SLC24A4: variants seen among roughly 807,000 people sequenced by gnomAD.
The protein encoded by SLC24A4 is sodium/potassium/calcium exchanger 4.
A neutral mutation model predicts 79.0 loss-of-function variants in SLC24A4; 53 were observed. That is an observed-to-expected ratio of 0.67 (90% CI 0.54 to 0.84). The LOEUF (loss-of-function observed/expected upper bound fraction) is 0.84. Ranked by LOEUF, SLC24A4 falls within the 40% of genes least tolerant of loss-of-function variation. The pLI, the probability that SLC24A4 is intolerant of heterozygous loss-of-function variation, is 0.00. For missense variants in SLC24A4, 731 were observed against 822.0 expected (o/e 0.89, Z 1.35); for synonymous variants, 323 against 323.8 (o/e 1.00, Z 0.03).
At chr14:92,416,102 GTGTGTGTATT>G (rs1183529229) in intron 2 of SLC24A4, among the ~76,000 whole-genome samples, 1 of 147,518 alleles carries the variant, frequency 6.8e-6, no homozygotes, top group Non-Finnish European at 1.5e-5. Flanking sequence ...GGAAAGGAAA[GTGTGTGTATT>G]TGTGTGTGTG....
chr14:92,327,362 A>C (rs1885205930), intron 2 of SLC24A4, among the ~76,000 whole-genome samples: 1 of 152,062 alleles, frequency 6.6e-6, no homozygotes, highest in African/African-American at 2.4e-5. Context: ...TCATCCTGTC[A>C]TTCCCTCCCC....
chr14:92,380,191 C>G (rs1888756875), intron 2 of SLC24A4, among the ~76,000 whole-genome samples: 2 of 152,212 alleles, frequency 1.3e-5, no homozygotes, highest in Non-Finnish European at 2.9e-5. Flanking sequence ...TGACCGAGAG[C>G]AGATCCAAGG....
chr14:92,489,174 A>G (rs900933506), intron 14 of SLC24A4, among the ~76,000 whole-genome samples: 3 of 152,070 alleles, frequency 2.0e-5, no homozygotes, highest in Non-Finnish European at 2.9e-5. Flanking sequence ...GCGGTGGGTC[A>G]TACCTGTAAT....
intron 14 of SLC24A4, among the ~76,000 whole-genome samples, chr14:92,489,442 A>T (rs1895552832): frequency 6.6e-6 from 1 of 152,100 alleles, no homozygotes; most frequent in Non-Finnish European, 1.5e-5. Context: ...AGAAAAAAAA[A>T]ATAGCTTCCT....
In SLC24A4 at chr14:92,323,402, G is replaced by T; in HGVS notation, c.-429G>T. 6.5e-6 allele frequency: 1 copy of T among 153,190 alleles called. No homozygotes were observed. Among genetic ancestry groups the T allele is most frequent in the South Asian group, 1.9e-4 (1 of 5,390 alleles). The allele number at this position is 153,190 out of a possible 1,614,324, so 9.5% of individuals were successfully genotyped here. ...CTTGGAGGAGGAGGATGCTGCGAGT[G>T]GGCGCGGCGGCGCGGGGCGCGGGGG... On this transcript the variant is annotated 5_prime_UTR_variant, in exon 1 of 17. Coordinates refer to ENST00000532405, the MANE Select transcript of SLC24A4 (RefSeq NM_153646.4). This position sits in a 1 kb window ranked among gnomAD's most constrained non-coding sequence, Gnocchi z 4.9.
intron 4 of SLC24A4, 41 bp downstream of exon 4, chr14:92,439,450 A>G: frequency 6.4e-7 from 1 of 1,573,862 alleles, no homozygotes; most frequent in Non-Finnish European, 8.7e-7. Context: ...GAAGCCTTGA[A>G]GACATGTGGG....
chr14:92,406,289 C>T (rs866596583), intron 2 of SLC24A4, among the ~76,000 whole-genome samples: 8 of 152,222 alleles, frequency 5.3e-5, no homozygotes, highest in Non-Finnish European at 8.8e-5. Context: ...GCAGTTTTCA[C>T]GGCTGGTGTT....
intron 2 of SLC24A4, among the ~76,000 whole-genome samples, chr14:92,417,689 A>C (rs1015157454): frequency 3.9e-5 from 6 of 152,172 alleles, no homozygotes; most frequent in African/African-American, 1.2e-4. Context: ...CAAGTGTACC[A>C]TTTTTTATCT....
At chr14:92,489,460 A>G (rs577015122) in intron 14 of SLC24A4, among the ~76,000 whole-genome samples, 2 of 152,246 alleles carry the variant, frequency 1.3e-5, no homozygotes, top group East Asian at 3.9e-4. Context: ...CCTGATGACA[A>G]AAGATCCAGG....
intron 12 of SLC24A4, among the ~76,000 whole-genome samples, chr14:92,466,765 G>A (rs1301991738): frequency 4.6e-5 from 7 of 152,292 alleles, no homozygotes; most frequent in Admixed American, 4.6e-4. Context: ...AGGATTCAGA[G>A]GGCAGGCAAG....
At chr14:92,351,739 C>T (rs967795758) in intron 2 of SLC24A4, among the ~76,000 whole-genome samples, 5 of 152,096 alleles carry the variant, frequency 3.3e-5, no homozygotes. Context: ...TGGCGCCCAC[C>T]TGTAATTCCA....
At chr14:92,347,196 T>TA (rs1245623413) in intron 2 of SLC24A4, among the ~76,000 whole-genome samples, 2 of 152,236 alleles carry the variant, frequency 1.3e-5, no homozygotes, top group African/African-American at 4.8e-5. Context: ...TGATACGCCT[T>TA]AGCCAGTGTG....
chr14:92,325,921 A>G lies in SLC24A4; in HGVS notation c.184A>G (p.Arg62Gly), dbSNP rs755802877. The change falls in exon 2 of 17, where the codon AGA (arginine) becomes GGA (glycine). Residue 62 changes from arginine (R) to glycine (G), a missense_variant. Arg to Gly is a moderately radical substitution (Grantham distance 125). Coordinates refer to ENST00000532405, the MANE Select transcript of SLC24A4 (RefSeq NM_153646.4). Reference sequence around the variant, plus strand: ...TGTCCTGCCAGACACGTGGAGAAATAGAAAGTTGATGGCCCCAGTGAATGG... The same window carrying G: ...TGTCCTGCCAGACACGTGGAGAAATGGAAAGTTGATGGCCCCAGTGAATGG... ...KRVLPDTWRN[R>G]KLMAPVNGTQ... 8.7e-6 allele frequency: 14 copies of G among 1,613,148 alleles called. No individual in the cohort carries two copies.
At chr14:92,481,719 T>C (rs1192114322) in intron 12 of SLC24A4, among the ~76,000 whole-genome samples, 1 of 152,216 alleles carries the variant, frequency 6.6e-6, no homozygotes, top group Non-Finnish European at 1.5e-5. Context: ...AAATAGATAT[T>C]CCCTGGATTG....
At chr14:92,407,187 G>A (rs554289007) in intron 2 of SLC24A4, among the ~76,000 whole-genome samples, 2 of 152,310 alleles carry the variant, frequency 1.3e-5, no homozygotes, top group Admixed American at 6.5e-5. Context: ...AGCATAGCAA[G>A]AGTGAATTTT....
chr14:92,460,139 C>T (rs887256137), intron 12 of SLC24A4, among the ~76,000 whole-genome samples: 3 of 152,060 alleles, frequency 2.0e-5, no homozygotes, highest in Non-Finnish European at 4.4e-5. Flanking sequence ...GTGCAGATAT[C>T]GTGTGTTGTG....
intron 2 of SLC24A4, among the ~76,000 whole-genome samples, chr14:92,341,641 G>A (rs557059777): frequency 1.3e-4 from 20 of 152,300 alleles, no homozygotes; most frequent in Non-Finnish European, 2.4e-4. Context: ...GAGAAGAACC[G>A]TCGACGGGCA....
intron 14 of SLC24A4, 30 bp from the exon 15 acceptor site, chr14:92,491,635 A>C (rs1895675113): frequency 6.8e-7 from 1 of 1,479,748 alleles, no homozygotes; most frequent in African/African-American, 1.4e-5. Flanking sequence ...ACCTGCTCTT[A>C]TAAAATAAAT....
intron 2 of SLC24A4, among the ~76,000 whole-genome samples, chr14:92,380,050 C>T (rs1295880563): frequency 6.6e-6 from 1 of 152,246 alleles, no homozygotes; most frequent in Non-Finnish European, 1.5e-5. Context: ...GGGTTTCACT[C>T]ATTCACTGCC....
Sources: gnomAD v4.1 joint callset for allele counts (sites outside exome capture counted in the v4.1 genomes callset) on GRCh38, gnomAD v4.1.1 for gene constraint, Gnocchi (gnomAD v3.1) non-coding constraint, MANE v1.5 for transcripts, NCBI Gene and HGNC (gene_info 2026-07-23, HGNC 2026-07-21) for gene names.